Variants in SYT1 observed in about 807,000 individuals in gnomAD.
SYT1 encodes the protein synaptotagmin-1.
A neutral mutation model predicts 44.8 loss-of-function variants in SYT1; 8 were observed. That is an observed-to-expected ratio of 0.18 (90% CI 0.10 to 0.32). The LOEUF is 0.32. Ranked by LOEUF, SYT1 falls within the 10% of genes least tolerant of loss-of-function variation. SYT1 has a pLI of 1.00. For synonymous variants in SYT1, 154 were observed against 188.8 expected (o/e 0.82, Z 1.51); for missense variants, 286 against 509.3 (o/e 0.56, Z 4.22).
intron 4 of SYT1, among the ~76,000 whole-genome samples, chr12:79,229,697 G>A (rs866208813): frequency 3.3e-5 from 5 of 151,872 alleles, no homozygotes; most frequent in Non-Finnish European, 5.9e-5. Flanking sequence ...GGGTTCAAGC[G>A]ATTCTCCTGC....
At chr12:79,255,423 C>CCAAAAA (rs1334970860) in intron 4 of SYT1, among the ~76,000 whole-genome samples, 1 of 152,132 alleles carries the variant, frequency 6.6e-6, no homozygotes, top group Non-Finnish European at 1.5e-5. Flanking sequence ...GTAAACAGAA[C>CCAAAAA]TTTTATATGC....
intron 3 of SYT1, among the ~76,000 whole-genome samples, chr12:79,181,100 C>T (rs934235696): frequency 1.3e-5 from 2 of 152,026 alleles, no homozygotes; most frequent in South Asian, 2.1e-4. Context: ...TGCAGAACTG[C>T]GAGTCAATTA....
chr12:79,049,863 A>C (rs1874342235), intron 3 of SYT1, among the ~76,000 whole-genome samples: 1 of 152,074 alleles, frequency 6.6e-6, no homozygotes, highest in South Asian at 2.1e-4. Context: ...TTACTATAAT[A>C]TTGCTAAAGA....
chr12:79,061,787 C>A (rs1423053781), intron 3 of SYT1, among the ~76,000 whole-genome samples: 1 of 152,040 alleles, frequency 6.6e-6, no homozygotes, highest in African/African-American at 2.4e-5. Flanking sequence ...TTTAGTTAAG[C>A]ACATGGGATG....
chr12:79,299,701 A>G, intron 8 of SYT1, 150 bp downstream of exon 8: 2 of 922,148 alleles, frequency 2.2e-6, no homozygotes, highest in Non-Finnish European at 3.1e-6. Context: ...GCACTGCACC[A>G]CCTCGTTAAA....
chr12:79,363,149 T>A (rs1300847191), intron 9 of SYT1, among the ~76,000 whole-genome samples: 1 of 151,942 alleles, frequency 6.6e-6, no homozygotes, highest in African/African-American at 2.4e-5. Flanking sequence ...ATAAGGAGGG[T>A]CAGAATTTCT....
intron 4 of SYT1, among the ~76,000 whole-genome samples, chr12:79,225,328 A>G (rs1014670293): frequency 6.6e-6 from 1 of 152,198 alleles, no homozygotes; most frequent in African/African-American, 2.4e-5. Context: ...AAGAAGTTCA[A>G]GTTGATCTAA....
chr12:79,249,138 C>T (rs1272083125), intron 4 of SYT1, among the ~76,000 whole-genome samples: 5 of 116,942 alleles, frequency 4.3e-5, no homozygotes, highest in Non-Finnish European at 4.9e-5. Flanking sequence ...CGCTCTGTCG[C>T]CCAGGCCGGA....
chr12:78,938,365 TG>T (rs1043411263), intron 1 of SYT1, among the ~76,000 whole-genome samples: 35 of 152,218 alleles, frequency 2.3e-4, no homozygotes, highest in African/African-American at 8.2e-4. Flanking sequence ...AAGCTAGTAG[TG>T]GAATAGAAAT....
At chr12:78,876,852 T>TATATTATATGTATTAC (rs1874165674) in intron 1 of SYT1, among the ~76,000 whole-genome samples, 3 of 82,342 alleles carry the variant, frequency 3.6e-5, no homozygotes, top group African/African-American at 1.6e-4. Flanking sequence ...ATATATATTA[T>TATATTATATGTATTAC]ATATAATATA....
intron 3 of SYT1, among the ~76,000 whole-genome samples, chr12:79,053,213 T>C (rs1313727554): frequency 6.6e-6 from 1 of 152,100 alleles, no homozygotes; most frequent in Non-Finnish European, 1.5e-5. Flanking sequence ...TGTAGGGACA[T>C]AGATGAAGCT....
Position 79,296,247 on chromosome 12 carries a change from A to G in SYT1, c.642+11A>G. The G allele has an allele frequency of 1.2e-6, 2 of 1,610,316 alleles. No individual in the cohort carries two copies. The highest frequency in any genetic ancestry group is 2.2e-5 in the South Asian group (2 of 90,558). ...CAATTTACTTTCAAGGTATTTGTTA[A>G]CATTTATTTATAACCTTTCCTTTGT... On this transcript the variant is annotated intron_variant, in intron 7 of 10. Coordinates refer to ENST00000261205, the MANE Select transcript of SYT1 (RefSeq NM_005639.3).
At chr12:79,411,390 G>A (rs1323551648) in intron 9 of SYT1, among the ~76,000 whole-genome samples, 2 of 152,108 alleles carry the variant, frequency 1.3e-5, no homozygotes, top group African/African-American at 2.4e-5. Context: ...GTCTTTTATT[G>A]TAGGTGGCAA....
chr12:78,953,295 C>A (rs1322274595), intron 1 of SYT1, among the ~76,000 whole-genome samples: 3 of 151,944 alleles, frequency 2.0e-5, no homozygotes, highest in Non-Finnish European at 4.4e-5. Context: ...TCTGAGAGTC[C>A]ACTTCAAAAT....
At chr12:79,064,798 A>AACAC (rs375218157) in intron 3 of SYT1, among the ~76,000 whole-genome samples, 1 of 149,080 alleles carries the variant, frequency 6.7e-6, no homozygotes, top group East Asian at 2.0e-4. Context: ...CTGCACCCCA[A>AACAC]ACACACACAC....
intron 3 of SYT1, among the ~76,000 whole-genome samples, chr12:79,119,683 G>T (rs1316562074): frequency 2.0e-5 from 3 of 152,050 alleles, no homozygotes; most frequent in Admixed American, 2.0e-4. Flanking sequence ...GAGTTGACGT[G>T]ACAGCAAGAA....
At position 79,299,474 on chromosome 12, in the gene SYT1, A is replaced by C; in HGVS notation, c.733A>C (p.Lys245Gln). 1 of 1,613,680 alleles carries C rather than the reference A, an allele frequency of 6.2e-7. No homozygotes were observed. Among genetic ancestry groups the C allele is most frequent in the Non-Finnish European group, 8.5e-7 (1 of 1,179,660 alleles). The change falls in exon 8 of 11, where the codon AAA becomes CAA. Residue 245 changes from lysine to glutamine, a missense_variant. Lys to Gln is a moderately conservative substitution (Grantham distance 53, BLOSUM62 1). This residue lies in a region of SYT1 where 81 missense variants were observed against 164.9 expected (regional missense o/e 0.49). Transcript: ENST00000261205. The part of the protein sequence containing the change: ...FSKHDIIGEF[K>Q]VPMNTVDFGH... ...TAAGCATGACATCATTGGAGAATTTAAAGTCCCTATGAACACAGTGGATTT... is the reference window on the plus strand; with the variant it reads ...TAAGCATGACATCATTGGAGAATTTCAAGTCCCTATGAACACAGTGGATTT...
Position 79,450,285 on chromosome 12 carries a change from C to CAAAAACA in SYT1, c.*1166_*1172dup, listed in dbSNP as rs995856637. ...ATCCCATCAAAAGATGAAAGAAAAA[C>CAAAAACA]AAAAACAAAAACCAACAACAATTAG... On this transcript the variant is annotated 3_prime_UTR_variant, in exon 11 of 11. Transcript: ENST00000261205. 3 of 152,468 alleles carry CAAAAACA rather than the reference C, an allele frequency of 2.0e-5. No individual in the cohort carries two copies. Among genetic ancestry groups the CAAAAACA allele is most frequent in the Middle Eastern group, 6.8e-3 (2 of 294 alleles). 9.4% of individuals were successfully genotyped at this position (152,468 alleles called of 1,614,324 possible).
At chr12:79,057,542 TA>T (rs1439435076) in intron 3 of SYT1, among the ~76,000 whole-genome samples, 1 of 152,110 alleles carries the variant, frequency 6.6e-6, no homozygotes, top group African/African-American at 2.4e-5. Context: ...CACAATTTGC[TA>T]TAACATCTCC....
Sources: allele counts gnomAD v4.1 joint callset (sites outside exome capture counted in the v4.1 genomes callset), GRCh38; gene constraint gnomAD v4.1.1; regional missense constraint gnomAD v4.1.1; transcripts MANE v1.5; gene names NCBI Gene and HGNC (gene_info 2026-07-23, HGNC 2026-07-21).